The following KIF1B variants were observed in gnomAD, a reference collection of about 807,000 sequenced individuals.
KIF1B encodes kinesin-like protein KIF1B.
Under a neutral mutation model 241.9 loss-of-function variants are expected in KIF1B, and 76 were observed. That is an observed-to-expected ratio of 0.31 (90% CI 0.26 to 0.38). KIF1B has a LOEUF of 0.38. KIF1B is among the 10% of genes least tolerant of loss of function. The pLI is 1.00. For synonymous variants in KIF1B, 750 were observed against 796.7 expected (o/e 0.94, Z 0.99); for missense variants, 1,622 against 2,271.4 (o/e 0.71, Z 5.81).
chr1:10,241,751 C>A (rs1333794933), intron 2 of KIF1B, among the ~76,000 whole-genome samples: 1 of 151,440 alleles, frequency 6.6e-6, no homozygotes, highest in African/African-American at 2.4e-5. Context: ...GCAACCATGC[C>A]CAATTTTTTT....
intron 1 of KIF1B, among the ~76,000 whole-genome samples, chr1:10,221,214 C>T (rs1014853824): frequency 6.7e-6 from 1 of 149,428 alleles, no homozygotes; most frequent in Non-Finnish European, 1.5e-5. Flanking sequence ...TCTCCTGCCT[C>T]AGCCTTCTGA....
rs1191832643 is a variant in KIF1B at position 10,337,584 on chromosome 1, A to G, written c.3422+51A>G. 2 of 1,598,998 alleles carry G rather than the reference A, an allele frequency of 1.3e-6. No individual in the cohort carries two copies. Among genetic ancestry groups the G allele is most frequent in the Non-Finnish European group, 1.7e-6 (2 of 1,166,520 alleles). ...CCAGCTAGCTGCTAACCGAGGTGAC[A>G]TCTCTTGTGCACTGTAGAGTGCTTT... On this transcript the variant is annotated intron_variant, in intron 31 of 48. Coordinates refer to ENST00000676179, the MANE Select transcript of KIF1B (RefSeq NM_001365951.3). This position sits in a 1 kb window ranked among gnomAD's most constrained non-coding sequence, Gnocchi z 4.0.
intron 48 of KIF1B, among the ~76,000 whole-genome samples, chr1:10,376,051 C>G (rs1448440051): frequency 6.6e-6 from 1 of 151,910 alleles, no homozygotes; most frequent in Non-Finnish European, 1.5e-5. Context: ...GATCCACCCT[C>G]CTCGGCCTCC....
rs1418377932 is a variant in KIF1B at position 10,291,134 on chromosome 1, G to T, written c.1487G>T (p.Arg496Leu). The T allele has an allele frequency of 1.9e-6, 3 of 1,612,928 alleles. No individual in the cohort carries two copies. The highest frequency in any genetic ancestry group is 2.5e-6 in the Non-Finnish European group (3 of 1,179,300). Residue 496 changes from arginine to leucine, a missense_variant, in exon 16 of 49, where the codon CGT (arginine) becomes CTT (leucine). Arg to Leu is a moderately radical substitution (Grantham distance 102). Coordinates refer to ENST00000676179, the MANE Select transcript of KIF1B (RefSeq NM_001365951.3). ...AATGAAACTTGGGAAGAGAAGCTTC[G>T]TAAAACAGAGGCCATCAGAATGGAG... ...ELNETWEEKL[R>L]KTEAIRMERE... is the part of the protein sequence containing the mutation.
chr1:10,292,273 C>A, intron 17 of KIF1B, 151 bp downstream of exon 17: 1 of 699,256 alleles, frequency 1.4e-6, no homozygotes, highest in Admixed American at 2.1e-5. Context: ...CATCTTAGAG[C>A]ATGGTCTTAT....
At chr1:10,286,023 C>T (rs750957255) in intron 15 of KIF1B, among the ~76,000 whole-genome samples, 1 of 151,868 alleles carries the variant, frequency 6.6e-6, no homozygotes, top group East Asian at 1.9e-4. Flanking sequence ...GTTAGGTACT[C>T]ATGTCACACC....
Position 10,276,334 on chromosome 1 carries a change from G to A in KIF1B, c.972G>A (p.Arg324=). 1 of 1,613,672 alleles carries A rather than the reference G, an allele frequency of 6.2e-7. No homozygotes were observed. The highest frequency in any genetic ancestry group is 8.5e-7 in the Non-Finnish European group (1 of 1,179,668). Residue 324 remains arginine (R), a synonymous_variant, in exon 12 of 49, where the codon CGG becomes CGA. Coordinates refer to ENST00000676179, the MANE Select transcript of KIF1B (RefSeq NM_001365951.3). The stretch of plus-strand genomic sequence containing the variant: ...TAATCTTTTTAGGTGGCAATTCTCG[G>A]ACTGCAATGGTTGCTGCTCTGAGCC... ...LLRENLGGNS[R]TAMVAALSPA...
chr1:10,301,899 A>G (rs1650561441), intron 22 of KIF1B, among the ~76,000 whole-genome samples: 1 of 152,216 alleles, frequency 6.6e-6, no homozygotes, highest in South Asian at 2.1e-4. Context: ...TTGAAATTAC[A>G]TTGTTGTGAA....
At chr1:10,310,766 T>C (rs1397498485) in intron 22 of KIF1B, among the ~76,000 whole-genome samples, 1 of 151,500 alleles carries the variant, frequency 6.6e-6, no homozygotes, top group Non-Finnish European at 1.5e-5. Flanking sequence ...GGGAGACAGC[T>C]GTAATAACCA....
At chr1:10,353,715 A>G (rs1473597820) in intron 38 of KIF1B, among the ~76,000 whole-genome samples, 2 of 152,154 alleles carry the variant, frequency 1.3e-5, no homozygotes, top group Non-Finnish European at 1.5e-5. Flanking sequence ...ATTATAGTTT[A>G]CCATAGGAAA....
chr1:10,336,368 C>T (rs1233387852), intron 28 of KIF1B, among the ~76,000 whole-genome samples: 1 of 152,130 alleles, frequency 6.6e-6, no homozygotes, highest in African/African-American at 2.4e-5. Context: ...AGGCTGGTCT[C>T]GAACTCCTGA....
At chr1:10,282,722 C>T (rs938320589) in intron 15 of KIF1B, among the ~76,000 whole-genome samples, 189 bp downstream of exon 15, 1 of 151,576 alleles carries the variant, frequency 6.6e-6, no homozygotes, top group Non-Finnish European at 1.5e-5. Context: ...TCTGACATGG[C>T]CAGGCAGAGT....
chr1:10,244,067 T>C (rs1647173890), intron 2 of KIF1B, among the ~76,000 whole-genome samples: 1 of 152,180 alleles, frequency 6.6e-6, no homozygotes, highest in Non-Finnish European at 1.5e-5. Context: ...GGATCAAGTA[T>C]ACAGTGAATA....
At chr1:10,370,593 T>TAATAAGAAGAAG (rs551427169) in intron 44 of KIF1B, among the ~76,000 whole-genome samples, 5 of 141,378 alleles carry the variant, frequency 3.5e-5, no homozygotes, top group African/African-American at 1.3e-4. Context: ...ATAATAATAA[T>TAATAAGAAGAAG]AAGAAGAAGA....
intron 1 of KIF1B, among the ~76,000 whole-genome samples, chr1:10,212,984 A>G (rs1646717978): frequency 6.7e-6 from 1 of 148,268 alleles, no homozygotes; most frequent in Non-Finnish European, 1.5e-5. Context: ...AGGTCTTAAC[A>G]CTATTTTTTT....
chr1:10,342,912 T>G (rs1275708515), intron 33 of KIF1B, among the ~76,000 whole-genome samples: 2 of 152,256 alleles, frequency 1.3e-5, no homozygotes, highest in African/African-American at 4.8e-5. Context: ...TACGTTCATC[T>G]TAATGTCTGT....
At chr1:10,311,215 CTTTT>C (rs201700385) in intron 22 of KIF1B, among the ~76,000 whole-genome samples, 3 of 136,972 alleles carry the variant, frequency 2.2e-5, no homozygotes, top group Middle Eastern at 3.4e-3. Context: ...ACCTCCCATT[CTTTT>C]TTTTTTTTTT....
intron 31 of KIF1B, among the ~76,000 whole-genome samples, chr1:10,338,068 G>T (rs1652248525): frequency 1.3e-5 from 2 of 152,104 alleles, no homozygotes; most frequent in African/African-American, 4.8e-5. Flanking sequence ...CTGTGCTCTG[G>T]ATGCTTTCTT....
intron 19 of KIF1B, among the ~76,000 whole-genome samples, chr1:10,296,185 T>G (rs1182828046): frequency 2.6e-5 from 4 of 152,168 alleles, no homozygotes; most frequent in African/African-American, 9.7e-5. Context: ...TTTAATGGTT[T>G]TTTTCTGTTA....
Sources: gnomAD v4.1 joint callset for allele counts (sites outside exome capture counted in the v4.1 genomes callset) on GRCh38, gnomAD v4.1.1 for gene constraint, Gnocchi (gnomAD v3.1) non-coding constraint, MANE v1.5 for transcripts, NCBI Gene and HGNC (gene_info 2026-07-23, HGNC 2026-07-21) for gene names.